The following SRGAP3 variants were observed in gnomAD, a reference collection of about 807,000 sequenced individuals.
SRGAP3 encodes SLIT-ROBO Rho GTPase activating protein 3.
In SRGAP3, 39 loss-of-function variants were observed where a neutral mutation model predicts 121.1. The ratio of observed to expected loss-of-function variants is 0.32; its 90% CI spans 0.25 to 0.42. SRGAP3 has a LOEUF of 0.42. Among genes scored for constraint, SRGAP3 ranks in the 10% least tolerant of loss-of-function variants. The pLI, the probability that SRGAP3 is intolerant of heterozygous loss-of-function variation, is 1.00. For synonymous variants in SRGAP3, 601 were observed against 570.0 expected, an observed-to-expected ratio of 1.05 and a Z score of -0.77; for missense variants, 1,213 against 1,470.6, an observed-to-expected ratio of 0.82 and a Z score of 2.86.
At chr3:9,272,561 A>T (rs1424053450) in intron 3 of SRGAP3, among the ~76,000 whole-genome samples, 1 of 152,250 alleles carries the variant, frequency 6.6e-6, no homozygotes, top group African/African-American at 2.4e-5. Context: ...AGGTTCATCC[A>T]TGTGGTAGCA....
chr3:9,009,304 A>G (rs938370191), intron 18 of SRGAP3, among the ~76,000 whole-genome samples: 3 of 152,146 alleles, frequency 2.0e-5, no homozygotes, highest in African/African-American at 7.2e-5. Context: ...AGAAACACAA[A>G]GGACAAGTAA....
At chr3:9,074,061 AT>A (rs147992032) in intron 4 of SRGAP3, among the ~76,000 whole-genome samples, 36 of 152,100 alleles carry the variant, frequency 2.4e-4, no homozygotes, top group African/African-American at 8.5e-4. Context: ...ATATTAAACA[AT>A]TTTTTTAAAG....
chr3:9,262,303 A>G (rs904796949), intron 3 of SRGAP3, among the ~76,000 whole-genome samples: 4 of 152,124 alleles, frequency 2.6e-5, no homozygotes, highest in South Asian at 2.1e-4. Flanking sequence ...TGCATCAACT[A>G]ATACGCAAAA....
intron 1 of SRGAP3, among the ~76,000 whole-genome samples, chr3:9,349,410 G>C (rs1467605510): frequency 1.3e-5 from 2 of 152,226 alleles, no homozygotes; most frequent in Non-Finnish European, 2.9e-5. Context: ...CTAGGGCAAG[G>C]CTTCTCAGCC....
Position 9,218,016 on chromosome 3 carries a change from C to T in SRGAP3, c.67+30869G>A, listed in dbSNP as rs1379267978. The T allele has an allele frequency of 6.6e-6, 1 of 152,238 alleles. No homozygotes were observed. Among genetic ancestry groups the T allele is most frequent in the African/African-American group, 2.4e-5 (1 of 41,452 alleles). The allele number at this position is 152,238 out of a possible 1,614,324, so 9.4% of individuals were successfully genotyped here. A position where few individuals can be genotyped will look rare whatever the true frequency, so the allele number is the denominator to read the frequency against. ...AAAAGCTAACACAACCTTTAAGCCG[C>T]ATTAACAGGATCAAGGGATGTATTA... On this transcript the variant is annotated intron_variant, in intron 1 of 21. Coordinates refer to ENST00000383836, the MANE Select transcript of SRGAP3 (RefSeq NM_014850.4). The surrounding 1 kb of genome is among the most constrained non-coding windows in gnomAD (Gnocchi z 5.3).
intron 3 of SRGAP3, among the ~76,000 whole-genome samples, chr3:9,320,916 G>C (rs998545676): frequency 2.6e-5 from 4 of 151,788 alleles, no homozygotes; most frequent in African/African-American, 9.7e-5. Flanking sequence ...TATATATAGT[G>C]TGTATATACA....
chr3:9,164,772 ATAG>A (rs1463887380), intron 1 of SRGAP3, among the ~76,000 whole-genome samples: 6 of 152,248 alleles, frequency 3.9e-5, no homozygotes, highest in Non-Finnish European at 7.3e-5. Flanking sequence ...AGTACTTCAG[ATAG>A]CCTCTACTAC....
chr3:9,127,009 A>C (rs970734686), intron 1 of SRGAP3, among the ~76,000 whole-genome samples: 2 of 152,198 alleles, frequency 1.3e-5, no homozygotes, highest in African/African-American at 4.8e-5. Context: ...ATCTTCCTCT[A>C]ATCAAGGGAT....
At position 9,299,317 on chromosome 3, in the gene SRGAP3, C is replaced by T. The variant is rs533699128; in HGVS notation, n.442+26693G>A. Among the ~76,000 whole-genome samples, 8 of 141,872 alleles carry T rather than the reference C, an allele frequency of 5.6e-5. No individual in the cohort carries two copies. In the East Asian group the frequency reaches 6.6e-4, roughly 12 times the overall value. 93.1% of individuals were successfully genotyped at this position (141,872 alleles called of 152,430 possible). On this transcript the variant is annotated intron_variant and non_coding_transcript_variant, in intron 3 of 3. Coordinates refer to the SRGAP3 transcript ENST00000490889. ...CGGAGACTGCAGTGAGCCAAGATCGCGCCACTGCACTCCAGCCTGGTGGCA... is the reference window on the plus strand; with the variant it reads ...CGGAGACTGCAGTGAGCCAAGATCGTGCCACTGCACTCCAGCCTGGTGGCA...
intron 2 of SRGAP3, among the ~76,000 whole-genome samples, chr3:9,329,580 C>G (rs1331638151): frequency 6.6e-6 from 1 of 152,056 alleles, no homozygotes; most frequent in Non-Finnish European, 1.5e-5. Flanking sequence ...GATGGTCACC[C>G]TGAATAACAG....
chr3:9,264,518 CAA>C (rs1954317002), intron 3 of SRGAP3, among the ~76,000 whole-genome samples: 1 of 152,216 alleles, frequency 6.6e-6, no homozygotes, highest in Admixed American at 6.5e-5. Flanking sequence ...GCAACTTCAG[CAA>C]AGTCTCAGGT....
chr3:9,119,123 C>T (rs903872858), intron 2 of SRGAP3, among the ~76,000 whole-genome samples: 5 of 152,192 alleles, frequency 3.3e-5, no homozygotes, highest in African/African-American at 7.2e-5. Context: ...GACAAGTAAA[C>T]AGACGATGAC....
At chr3:8,987,683 C>T (rs1045557837) in intron 21 of SRGAP3, among the ~76,000 whole-genome samples, 7 of 123,440 alleles carry the variant, frequency 5.7e-5, no homozygotes, top group African/African-American at 3.9e-4. Flanking sequence ...CTAATATTAG[C>T]TTGTACGCTT....
chr3:9,208,426 G>A (rs1158861391), intron 1 of SRGAP3, among the ~76,000 whole-genome samples: 1 of 152,164 alleles, frequency 6.6e-6, no homozygotes, highest in East Asian at 1.9e-4. Context: ...GCTAATTCCT[G>A]CCATGTAGCA....
At chr3:9,060,029 C>T in intron 6 of SRGAP3, 2 of 786,156 alleles carry the variant, frequency 2.5e-6, no homozygotes, top group Non-Finnish European at 4.1e-6. Flanking sequence ...GCCCATGTCC[C>T]ACTCGTGAAA....
intron 2 of SRGAP3, among the ~76,000 whole-genome samples, chr3:9,111,055 G>T (rs1948605401): frequency 1.3e-5 from 2 of 152,232 alleles, no homozygotes; most frequent in South Asian, 4.1e-4. Context: ...TCATTCTTCA[G>T]CAGTTCATGC....
chr3:9,346,128 T>C (rs2648546), intron 1 of SRGAP3, among the ~76,000 whole-genome samples: 94,994 of 152,154 alleles, frequency 0.62, 30,126 homozygotes, highest in East Asian at 0.89. Flanking sequence ...TTGGCAATGA[T>C]GCAAATTTCT....
intron 1 of SRGAP3, among the ~76,000 whole-genome samples, chr3:9,215,704 C>T (rs541092036): frequency 1.3e-5 from 2 of 152,374 alleles, no homozygotes; most frequent in Non-Finnish European, 2.9e-5. Flanking sequence ...CACTGCTTCT[C>T]TCTCTTTCCT....
chr3:9,102,402 G>A (rs1312626797), intron 3 of SRGAP3, among the ~76,000 whole-genome samples: 1 of 152,142 alleles, frequency 6.6e-6, no homozygotes, highest in African/African-American at 2.4e-5. Context: ...ATGACAAGGG[G>A]CCCAAAGCAA....
Sources: gnomAD v4.1 joint callset for allele counts (sites outside exome capture counted in the v4.1 genomes callset) on GRCh38, gnomAD v4.1.1 for gene constraint, Gnocchi (gnomAD v3.1) non-coding constraint, MANE v1.5 for transcripts, NCBI Gene and HGNC (gene_info 2026-07-23, HGNC 2026-07-21) for gene names.